The following NBPF19 variants were observed in gnomAD, a reference collection of about 807,000 sequenced individuals.
The protein encoded by NBPF19 is NBPF member 19, also known as NBPF family member NBPF19.
In NBPF19, 30 loss-of-function variants were observed where a neutral mutation model predicts 45.9. That is an observed-to-expected ratio of 0.65 (90% CI 0.49 to 0.89). The LOEUF (loss-of-function observed/expected upper bound fraction) is 0.89. Among genes scored for constraint, NBPF19 ranks in the 40% least tolerant of loss-of-function variants. The pLI is 0.00. For synonymous variants in NBPF19, 183 were observed against 181.2 expected, an observed-to-expected ratio of 1.01 and a Z score of -0.08; for missense variants, 495 against 471.8, an observed-to-expected ratio of 1.05 and a Z score of -0.46.
Position 149,479,086 on chromosome 1 carries a change from T to C in NBPF19, c.485T>C (p.Leu162Pro). Reference sequence around the variant, plus strand: ...CTGGCACAGCACCTTGTCCAAAAGCTCAGCCCAGGTAAGGTGGCCATAGGC... The same window carrying C: ...CTGGCACAGCACCTTGTCCAAAAGCCCAGCCCAGGTAAGGTGGCCATAGGC... ...CRLAQHLVQK[L>P]SPENDNDDDE... The change falls in exon 4 of 94, where the codon CTC becomes CCC. Residue 162 changes from leucine to proline, a missense_variant. Coordinates refer to ENST00000651566, the MANE Select transcript of NBPF19 (RefSeq NM_001351365.2). 6.5e-7 allele frequency: 1 copy of C among 1,543,832 alleles called. No homozygotes were observed. Among genetic ancestry groups the C allele is most frequent in the Non-Finnish European group, 8.9e-7 (1 of 1,119,554 alleles).
rs1163778247 is a variant in NBPF19, at chr1:149,555,193, A to G, written c.*455A>G. The G allele has an allele frequency of 5.1e-6, 1 of 195,224 alleles. No homozygotes were observed. The highest frequency in any genetic ancestry group is 1.1e-5 in the Non-Finnish European group (1 of 94,312). The allele number at this position is 195,224 out of a possible 1,614,324, so 12.1% of individuals were successfully genotyped here. On this transcript the variant is annotated 3_prime_UTR_variant, in exon 94 of 94. Transcript: ENST00000651566. ...GTTTTAGCTGATCCATCTGTAACAC[A>G]GGAGGGATCCTTGGCTGAGGATTGT...
At position 149,554,887 on chromosome 1, in the gene NBPF19, G is replaced by T. The variant is rs1256339397; in HGVS notation, c.*149G>T. 1.3e-5 allele frequency: 19 copies of T among 1,408,350 alleles called. 2 individuals carry two copies. In the Admixed American group the frequency reaches 1.8e-4, roughly 14 times the overall value. The allele number at this position is 1,408,350 out of a possible 1,614,324, so 87.2% of individuals were successfully genotyped here. ...CTTTTCCTATTCTCAAACCATGCCA[G>T]TGGCAACCTGTGCTCAGTCTGAAGA... On this transcript the variant is annotated 3_prime_UTR_variant, in exon 94 of 94. Coordinates refer to ENST00000651566, the MANE Select transcript of NBPF19 (RefSeq NM_001351365.2).
At chr1:149,483,659 T>G (rs1434529766) in intron 7 of NBPF19, among the ~76,000 whole-genome samples, 1 of 145,740 alleles carries the variant, frequency 6.9e-6, no homozygotes, top group African/African-American at 2.5e-5. Context: ...GTTTTTGCAG[T>G]GGCTGGTACC....
At position 149,555,028 on chromosome 1, in the gene NBPF19, A is replaced by T. The variant is rs1277068171; in HGVS notation, c.*290A>T. ...TCTTTGGGTAGCTACAAAATTCCTC[A>T]GGGATTTCATTTTGCAGGCATGTCT... On this transcript the variant is annotated 3_prime_UTR_variant, in exon 94 of 94. Transcript: ENST00000651566. The T allele has an allele frequency of 3.8e-5, 19 of 503,388 alleles. 1 individual carries two copies. The highest frequency in any genetic ancestry group is 6.2e-5 in the Non-Finnish European group (18 of 289,522). 31.2% of individuals were successfully genotyped at this position (503,388 alleles called of 1,614,324 possible).
chr1:149,490,933 T>C (rs2085834518), intron 13 of NBPF19, among the ~76,000 whole-genome samples: 1 of 136,428 alleles, frequency 7.3e-6, no homozygotes, highest in South Asian at 2.5e-4. Context: ...TGTGTGTGTG[T>C]GTGTGTGTGT....
At position 149,554,877 on chromosome 1, in the gene NBPF19, A is replaced by G. The variant is rs1158961291; in HGVS notation, c.*139A>G. The G allele has an allele frequency of 6.7e-4, 989 of 1,476,542 alleles. 17 individuals are homozygous for G. The African/African-American group carries it at 0.012, about 19-fold the overall frequency. 91.5% of individuals were successfully genotyped at this position (1,476,542 alleles called of 1,614,324 possible). A position where few individuals can be genotyped will look rare whatever the true frequency, so the allele number is the denominator to read the frequency against. The stretch of plus-strand genomic sequence containing the variant: ...GGGCATGGCTCTTTTCCTATTCTCA[A>G]ACCATGCCAGTGGCAACCTGTGCTC... On this transcript the variant is annotated 3_prime_UTR_variant, in exon 94 of 94. Coordinates refer to ENST00000651566, the MANE Select transcript of NBPF19 (RefSeq NM_001351365.2).
At position 149,487,634 on chromosome 1, in the gene NBPF19, A is replaced by C. The variant is rs1224205297; in HGVS notation, c.1040+251A>C. Among the ~76,000 whole-genome samples, 4 of 150,398 alleles carry C rather than the reference A, an allele frequency of 2.7e-5. 1 individual carries two copies. The highest frequency in any genetic ancestry group is 9.8e-5 in the African/African-American group (4 of 40,906). The stretch of plus-strand genomic sequence containing the variant: ...CTGTATTCTCATGGTAACTGCAGGG[A>C]AACTTGAGCACATTTTATGCAAAAT... On this transcript the variant is annotated intron_variant, in intron 9 of 93. Transcript: ENST00000651566.
At chr1:149,528,051 CA>C (rs1425089908) in intron 60 of NBPF19, among the ~76,000 whole-genome samples, 5 of 107,386 alleles carry the variant, frequency 4.7e-5, no homozygotes, top group African/African-American at 2.1e-4. Flanking sequence ...CAGGCAGATG[CA>C]AAAAATTCAC....
At position 149,479,176 on chromosome 1, in the gene NBPF19, TATATC is replaced by T; in HGVS notation, c.493+84_493+88del. Reference sequence around the variant, plus strand: ...ACCTCCATACTTTCACAATGACAGTTATATCAGTGGGGTTTTTTTCTACTACACCT... The same window carrying T: ...ACCTCCATACTTTCACAATGACAGTTAGTGGGGTTTTTTTCTACTACACCT... On this transcript the variant is annotated intron_variant, in intron 4 of 93. Coordinates refer to ENST00000651566, the MANE Select transcript of NBPF19 (RefSeq NM_001351365.2). 3 of 1,570,930 alleles carry T rather than the reference TATATC, an allele frequency of 1.9e-6. 1 individual carries two copies. Among genetic ancestry groups the T allele is most frequent in the Non-Finnish European group, 2.6e-6 (3 of 1,144,936 alleles).
rs1433504064 is a variant in NBPF19 at position 149,487,882 on chromosome 1, T to A, written c.1041-131T>A. 6.2e-3 allele frequency: 4,470 copies of A among 719,632 alleles called. 149 individuals are homozygous for A. The highest frequency in any genetic ancestry group is 9.1e-3 in the Non-Finnish European group (3,549 of 391,876). The allele number at this position is 719,632 out of a possible 1,614,324, so 44.6% of individuals were successfully genotyped here. On this transcript the variant is annotated intron_variant, in intron 9 of 93. Coordinates refer to ENST00000651566, the MANE Select transcript of NBPF19 (RefSeq NM_001351365.2). ...GTCTATCCCAACATAAAGGCAATAA[T>A]TTGTTACCTCACTAATGGATCTCTC... is the stretch of plus-strand genomic sequence containing the variant.
At chr1:149,494,085 C>T (rs1460474237) in intron 17 of NBPF19, among the ~76,000 whole-genome samples, 60 of 133,072 alleles carry the variant, frequency 4.5e-4, no homozygotes, top group East Asian at 9.6e-4. Context: ...TCGCTGAGCT[C>T]ACTTTCTCCT....
At chr1:149,487,285 G>C (rs1417927495) in intron 8 of NBPF19, 47 bp from the exon 9 acceptor site, 2 of 1,392,910 alleles carry the variant, frequency 1.4e-6, no homozygotes, top group African/African-American at 1.4e-5. Flanking sequence ...GTTTCTGTGT[G>C]CAAGGAAGAA....
chr1:149,483,665 G>C (rs1171427199), intron 7 of NBPF19, among the ~76,000 whole-genome samples: 1 of 142,898 alleles, frequency 7.0e-6, no homozygotes, highest in Non-Finnish European at 1.6e-5. Flanking sequence ...GCAGTGGCTG[G>C]TACCGGTTGT....
chr1:149,529,014 C>T (rs2086929607), intron 61 of NBPF19, among the ~76,000 whole-genome samples, 160 bp from the exon 62 acceptor site: 2 of 121,880 alleles, frequency 1.6e-5, no homozygotes, highest in Non-Finnish European at 1.7e-5. Context: ...CCATTTGGCC[C>T]TGTTCTGTCC....
chr1:149,487,816 T>C (rs1297641588), intron 9 of NBPF19, among the ~76,000 whole-genome samples, 197 bp from the exon 10 acceptor site: 1 of 150,378 alleles, frequency 6.6e-6, no homozygotes, highest in Non-Finnish European at 1.5e-5. Context: ...TGTGTGTGTG[T>C]GTGTGTGTCT....
Position 149,554,530 on chromosome 1 carries a change from A to T in NBPF19, c.11324A>T (p.Glu3775Val). 1.2e-6 allele frequency: 2 copies of T among 1,608,266 alleles called. No individual in the cohort carries two copies. Among genetic ancestry groups the T allele is most frequent in the South Asian group, 2.2e-5 (2 of 90,894 alleles). Residue 3775 changes from glutamate (E) to valine (V), a missense_variant, in exon 94 of 94, where the codon GAA becomes GTA. By Grantham distance (121) the Glu-to-Val change is moderately radical. Around this residue, in one of 8 missense-constraint regions of NBPF19, gnomAD observed 248 missense variants for 95.4 expected, o/e 2.60. Transcript: ENST00000651566. The stretch of plus-strand genomic sequence containing the variant: ...GTGCTGATGGAAGTGGAAGAGCCTG[A>T]AGTCTTACAGGACTCACTGGATGGA... The part of the protein sequence containing the change: ...NSVLMEVEEP[E>V]VLQDSLDGCY...
intron 92 of NBPF19, 31 bp from the exon 93 acceptor site, chr1:149,553,743 A>T: frequency 9.3e-6 from 1 of 107,152 alleles, no homozygotes; most frequent in Non-Finnish European, 1.5e-5. Context: ...AATCAGCTTA[A>T]TGTGTCTGTC....
chr1:149,487,290 G>A, intron 8 of NBPF19, 42 bp from the exon 9 acceptor site: 1 of 1,450,824 alleles, frequency 6.9e-7, no homozygotes, highest in Non-Finnish European at 9.6e-7. Flanking sequence ...TGTGTGCAAG[G>A]AAGAACTTAA....
rs1373625128 is a variant in NBPF19, at chr1:149,487,904, T to C, written c.1041-109T>C. 9.4e-6 allele frequency: 7 copies of C among 744,912 alleles called. No homozygotes were observed. In the East Asian group the frequency reaches 1.0e-4, roughly 11 times the overall value. The allele number at this position is 744,912 out of a possible 1,614,324, so 46.1% of individuals were successfully genotyped here. A position where few individuals can be genotyped will look rare whatever the true frequency, so the allele number is the denominator to read the frequency against. On this transcript the variant is annotated intron_variant, in intron 9 of 93. Coordinates refer to ENST00000651566, the MANE Select transcript of NBPF19 (RefSeq NM_001351365.2). ...TAATTTGTTACCTCACTAATGGATC[T>C]CTCCTTTTTCTTTTCAAACTCTTCC...
Sources: gnomAD v4.1 joint callset for allele counts (sites outside exome capture counted in the v4.1 genomes callset) on GRCh38, gnomAD v4.1.1 for gene constraint, gnomAD v4.1.1 regional missense constraint, MANE v1.5 for transcripts, NCBI Gene and HGNC (gene_info 2026-07-23, HGNC 2026-07-21) for gene names.